The following UGGT1 variants were observed in gnomAD, a reference collection of about 807,000 sequenced individuals.
UGGT1 encodes the protein UDP-glucose glycoprotein glucosyltransferase 1.
Under a neutral mutation model 203.9 loss-of-function variants are expected in UGGT1, and 107 were observed. The ratio of observed to expected loss-of-function variants is 0.52; its 90% CI spans 0.45 to 0.62. The LOEUF is 0.62. Ranked by LOEUF, UGGT1 falls within the 20% of genes least tolerant of loss-of-function variation. The pLI is 0.00. For synonymous variants in UGGT1, 628 were observed against 653.5 expected, an observed-to-expected ratio of 0.96 and a Z score of 0.59; for missense variants, 1,673 against 1,867.2, an observed-to-expected ratio of 0.90 and a Z score of 1.92.
intron 17 of UGGT1, among the ~76,000 whole-genome samples, chr2:128,145,025 C>T (rs1689614078): frequency 1.3e-5 from 2 of 152,032 alleles, no homozygotes; most frequent in African/African-American, 4.8e-5. Context: ...GTTTTGTTGC[C>T]CCAGTATTTT....
At chr2:128,182,347 G>A (rs1691735148) in intron 37 of UGGT1, 57 bp downstream of exon 37, 1 of 1,545,934 alleles carries the variant, frequency 6.5e-7, no homozygotes, top group African/African-American at 1.4e-5. Flanking sequence ...AATTGATTTT[G>A]TGTGGTTAAA....
At chr2:128,135,610 C>G (rs1375648513) in intron 15 of UGGT1, among the ~76,000 whole-genome samples, 2 of 152,144 alleles carry the variant, frequency 1.3e-5, no homozygotes, top group South Asian at 4.1e-4. Context: ...TCCATGATTA[C>G]TACTGGGCTA....
At chr2:128,104,042 C>T (rs1687497176) in intron 3 of UGGT1, 28 bp downstream of exon 3, 1 of 1,493,698 alleles carries the variant, frequency 6.7e-7, no homozygotes, top group Non-Finnish European at 8.9e-7. Context: ...GCTTCTTTGA[C>T]TTTGGTGTCT....
intron 12 of UGGT1, 32 bp downstream of exon 12, chr2:128,127,484 T>C: frequency 6.7e-7 from 1 of 1,493,774 alleles, no homozygotes; most frequent in Non-Finnish European, 9.3e-7. Context: ...CTCTGAAAAG[T>C]TTTTGTAATG....
chr2:128,125,990 T>C (rs1369569790), intron 11 of UGGT1, among the ~76,000 whole-genome samples: 3 of 151,114 alleles, frequency 2.0e-5, no homozygotes, highest in African/African-American at 7.3e-5. Context: ...TCGCCCAGGC[T>C]GGAGTGCAGT....
intron 11 of UGGT1, among the ~76,000 whole-genome samples, chr2:128,127,009 T>C (rs997050535): frequency 2.0e-5 from 3 of 152,150 alleles, no homozygotes; most frequent in Non-Finnish European, 2.9e-5. Context: ...TATCGTCTGA[T>C]GGTGCTGTGC....
chr2:128,146,753 A>G lies in UGGT1; in HGVS notation c.2016+786A>G, dbSNP rs765769954. Reference sequence around the variant, plus strand: ...GCAATTACTCCTCTCCATTTTGCCCATTTTGTCCTACTCCCAGCCACCCTG... The same window carrying G: ...GCAATTACTCCTCTCCATTTTGCCCGTTTTGTCCTACTCCCAGCCACCCTG... On this transcript the variant is annotated intron_variant, in intron 18 of 40. Coordinates refer to ENST00000259253, the MANE Select transcript of UGGT1 (RefSeq NM_020120.4). 8.5e-5 allele frequency among the ~76,000 whole-genome samples: 13 copies of G among 152,112 alleles called. 1 individual carries two copies. The highest frequency in any genetic ancestry group is 1.3e-4 in the Non-Finnish European group (9 of 68,016).
chr2:128,096,521 T>G (rs1373793426), intron 1 of UGGT1, among the ~76,000 whole-genome samples: 2 of 152,232 alleles, frequency 1.3e-5, no homozygotes, highest in Non-Finnish European at 2.9e-5. Context: ...TGCCTCTGTC[T>G]TCACCTGGTG....
intron 28 of UGGT1, 90 bp downstream of exon 28, chr2:128,171,374 G>T: frequency 8.3e-7 from 1 of 1,198,836 alleles, no homozygotes; most frequent in East Asian, 2.5e-5. Context: ...TGGATTTATA[G>T]GTGGACATCA....
chr2:128,107,945 T>G lies in UGGT1; in HGVS notation c.285T>G (p.Asp95Glu), dbSNP rs1275370084. Reference protein sequence around the residue: ...NIGSSDHDGTDYSYYHAILEA... With the variant: ...NIGSSDHDGTEYSYYHAILEA... ...AATGTTCTTCCTTGACAGGTACCGA[T>G]TATTCCTACTATCATGCAATATTGG... is the stretch of plus-strand genomic sequence containing the variant. The change falls in exon 4 of 41, where the codon GAT (aspartate) becomes GAG (glutamate). Residue 95 changes from aspartate (D) to glutamate (E), a missense_variant. Physicochemically the swap from Asp to Glu is conservative, Grantham distance 45. This residue lies in a region of UGGT1 where 1,073 missense variants were observed against 1,078.7 expected (regional missense o/e 0.99). Coordinates refer to ENST00000259253, the MANE Select transcript of UGGT1 (RefSeq NM_020120.4). 1 of 1,614,194 alleles carries G rather than the reference T, an allele frequency of 6.2e-7. No individual in the cohort carries two copies. Among genetic ancestry groups the G allele is most frequent in the Non-Finnish European group, 8.5e-7 (1 of 1,180,008 alleles).
rs1691032525 is a variant in UGGT1, at chr2:128,170,364, G to A, written c.2998G>A (p.Ala1000Thr). The A allele has an allele frequency of 6.2e-7, 1 of 1,614,200 alleles. No homozygotes were observed. Among genetic ancestry groups the A allele is most frequent in the Admixed American group, 1.7e-5 (1 of 60,030 alleles). ...VAVVDPVTRE[A>T]QRLAPLLLVL... ...TGTCGTTGACCCTGTCACCAGAGAA[G>A]CACAGAGACTTGCTCCTTTGCTCTT... The change falls in exon 27 of 41, where the codon GCA becomes ACA. Residue 1000 changes from alanine to threonine, a missense_variant. Physicochemically the swap from Ala to Thr is moderately conservative, Grantham distance 58. This residue lies in a region of UGGT1 where 513 missense variants were observed against 684.1 expected (regional missense o/e 0.75). Coordinates refer to ENST00000259253, the MANE Select transcript of UGGT1 (RefSeq NM_020120.4).
At chr2:128,117,645 G>A (rs1028207381) in intron 8 of UGGT1, among the ~76,000 whole-genome samples, 5 of 149,496 alleles carry the variant, frequency 3.3e-5, no homozygotes, top group Non-Finnish European at 1.5e-5. Flanking sequence ...CTGGGTTCAC[G>A]CTATTCTCCT....
intron 36 of UGGT1, among the ~76,000 whole-genome samples, chr2:128,181,383 T>A (rs1691680840): frequency 6.6e-6 from 1 of 152,238 alleles, no homozygotes; most frequent in Admixed American, 6.5e-5. Context: ...CCATCATCTC[T>A]AATTATCTGC....
chr2:128,145,815 T>C lies in UGGT1; in HGVS notation c.1864T>C (p.Tyr622His). Reference protein sequence around the residue: ...YDRNRKEARGYYEQTGVGPLP... With the variant: ...YDRNRKEARGHYEQTGVGPLP... The stretch of plus-strand genomic sequence containing the variant: ...ACTTGTGTTTCAGGAAGCAAGAGGC[T>C]ACTATGAGCAGACTGGAGTTGGACC... The change falls in exon 18 of 41, where the codon TAC becomes CAC. Residue 622 changes from tyrosine (Y) to histidine (H), a missense_variant. Coordinates refer to ENST00000259253, the MANE Select transcript of UGGT1 (RefSeq NM_020120.4). 1 of 1,577,930 alleles carries C rather than the reference T, an allele frequency of 6.3e-7. No individual in the cohort carries two copies. The highest frequency in any genetic ancestry group is 8.6e-7 in the Non-Finnish European group (1 of 1,160,004).
intron 18 of UGGT1, 53 bp from the exon 19 acceptor site, chr2:128,152,731 T>C (rs1690031971): frequency 6.4e-7 from 1 of 1,565,042 alleles, no homozygotes; most frequent in Non-Finnish European, 8.6e-7. Flanking sequence ...TGAATTATTA[T>C]TGCTAAAATT....
chr2:128,185,271 C>G (rs1691914638), intron 38 of UGGT1, among the ~76,000 whole-genome samples: 1 of 149,716 alleles, frequency 6.7e-6, no homozygotes, highest in South Asian at 2.1e-4. Context: ...GTAATCTCAG[C>G]TCACTGCAAC....
chr2:128,142,490 CAGG>C (rs1450225602), intron 16 of UGGT1, among the ~76,000 whole-genome samples: 2 of 147,680 alleles, frequency 1.4e-5, no homozygotes, highest in South Asian at 2.1e-4. Context: ...GAGGCTGAGG[CAGG>C]AGAAGCGCTT....
At chr2:128,113,355 A>G (rs1259271897) in intron 6 of UGGT1, 97 bp downstream of exon 6, 10 of 1,031,636 alleles carry the variant, frequency 9.7e-6, no homozygotes, top group Non-Finnish European at 1.2e-5. Context: ...AAAAAAATCT[A>G]GTTATTTGAA....
chr2:128,180,758 C>T (rs1038219974), intron 35 of UGGT1, 132 bp from the exon 36 acceptor site: 68 of 875,244 alleles, frequency 7.8e-5, no homozygotes, highest in Non-Finnish European at 9.1e-5. Context: ...GGGTCACGGC[C>T]GGTCTTTGTA....
Sources: gnomAD v4.1 joint callset for allele counts (sites outside exome capture counted in the v4.1 genomes callset) on GRCh38, gnomAD v4.1.1 for gene constraint, gnomAD v4.1.1 regional missense constraint, MANE v1.5 for transcripts, NCBI Gene and HGNC (gene_info 2026-07-23, HGNC 2026-07-21) for gene names.